Variants in CCDC181 observed in about 807,000 individuals in gnomAD.
CCDC181 encodes the protein coiled-coil domain containing 181.
In CCDC181, 35 loss-of-function variants were observed where a neutral mutation model predicts 58.7. The ratio of observed to expected loss-of-function variants is 0.60; its 90% confidence interval spans 0.46 to 0.79. The LOEUF (loss-of-function observed/expected upper bound fraction) is 0.79. Among genes scored for constraint, CCDC181 ranks in the 30% least tolerant of loss-of-function variants. The probability of loss-of-function intolerance (pLI) is 0.00; values close to 1 mark genes in which losing one functional copy is unlikely to be tolerated. For synonymous variants in CCDC181, 183 were observed against 197.5 expected, an observed-to-expected ratio of 0.93 and a Z score of 0.62; for missense variants, 517 against 583.9, an observed-to-expected ratio of 0.89 and a Z score of 1.18.
chr1:169,422,362 G>T (rs780302739), intron 2 of CCDC181, 49 bp from the exon 3 acceptor site: 1 of 1,328,940 alleles, frequency 7.5e-7, no homozygotes, highest in Admixed American at 2.4e-5. Flanking sequence ...TCATTTATAA[G>T]TAGACATACA....
In CCDC181 at chr1:169,427,337, C is replaced by G. The variant is rs1656757316; in HGVS notation, c.-73G>C. On this transcript the variant is annotated 5_prime_UTR_variant, in exon 1 of 6. Coordinates refer to ENST00000367806, the MANE Select transcript of CCDC181 (RefSeq NM_001300969.2). ...TCACAGAGATGGCCGGGGGAGTTCT[C>G]CTCTCCTCCTCTTTCTAAGCTCTTC... is the stretch of plus-strand genomic sequence containing the variant. 6.6e-6 allele frequency: 1 copy of G among 152,316 alleles called. No individual in the cohort carries two copies. The highest frequency in any genetic ancestry group is 6.5e-5 in the Admixed American group (1 of 15,274). 9.4% of individuals were successfully genotyped at this position (152,316 alleles called of 1,614,324 possible).
intron 2 of CCDC181, among the ~76,000 whole-genome samples, chr1:169,438,727 G>A (rs1461670357): frequency 6.6e-6 from 1 of 152,146 alleles, no homozygotes; most frequent in African/African-American, 2.4e-5. Flanking sequence ...TCAAGGTGAA[G>A]AGCGAATAGC....
chr1:169,455,728 C>T (rs1657661886), intron 2 of CCDC181, among the ~76,000 whole-genome samples: 2 of 152,226 alleles, frequency 1.3e-5, no homozygotes, highest in Admixed American at 1.3e-4. Flanking sequence ...CAAATCCTCC[C>T]TTATGTTGAC....
intron 4 of CCDC181, among the ~76,000 whole-genome samples, chr1:169,405,834 C>G (rs1490424247): frequency 6.6e-6 from 1 of 152,216 alleles, no homozygotes; most frequent in South Asian, 2.1e-4. Flanking sequence ...AGCTTCTGCA[C>G]AGCAAAAGAA....
intron 4 of CCDC181, among the ~76,000 whole-genome samples, chr1:169,405,193 A>C (rs1017093805): frequency 1.3e-4 from 20 of 152,202 alleles, no homozygotes; most frequent in Admixed American, 1.0e-3. Context: ...CCATGTTCAT[A>C]GATAGTAAGA....
At chr1:169,433,968 C>T (rs1428143408) in intron 2 of CCDC181, among the ~76,000 whole-genome samples, 1 of 151,964 alleles carries the variant, frequency 6.6e-6, no homozygotes, top group African/African-American at 2.4e-5. Flanking sequence ...GCTCACTAGA[C>T]ATTATCAGCA....
chr1:169,424,388 C>G lies in CCDC181; in HGVS notation c.117+423G>C, dbSNP rs1441873558. Among the ~76,000 whole-genome samples, 4 of 151,924 alleles carry G rather than the reference C, an allele frequency of 2.6e-5. No homozygotes were observed. The East Asian group carries it at 7.7e-4, about 29-fold the overall frequency. On this transcript the variant is annotated intron_variant, in intron 2 of 5. Transcript: ENST00000367806. Reference sequence around the variant, plus strand: ...TCAGTCTTAAAGTTTTAAATATTAGCTAAAAGGTCATGTGTTTAGAGGATT... The same window carrying G: ...TCAGTCTTAAAGTTTTAAATATTAGGTAAAAGGTCATGTGTTTAGAGGATT...
chr1:169,412,766 A>C (rs939749261), intron 4 of CCDC181, among the ~76,000 whole-genome samples: 2 of 152,212 alleles, frequency 1.3e-5, no homozygotes, highest in African/African-American at 4.8e-5. Context: ...AAAAACAAGA[A>C]ATGGGGAAAG....
chr1:169,418,678 G>T, intron 4 of CCDC181: 2 of 307,454 alleles, frequency 6.5e-6, no homozygotes, highest in Non-Finnish European at 1.2e-5. Flanking sequence ...TATACGTCTA[G>T]TCTTAAGTGA....
intron 4 of CCDC181, among the ~76,000 whole-genome samples, chr1:169,416,201 C>T (rs1405917947): frequency 6.6e-6 from 1 of 152,154 alleles, no homozygotes; most frequent in Non-Finnish European, 1.5e-5. Context: ...GTAGCGTGCT[C>T]ATTCACTGCC....
Position 169,435,548 on chromosome 1 carries a change from T to C in CCDC181, c.-23-10598A>G, listed in dbSNP as rs2101742830. ...TTAACTAGCCTGTAGAAGATTTTAA[T>C]TTCTGGCCAATTTCCCCATCAATAA... On this transcript the variant is annotated intron_variant, in intron 2 of 6. Transcript: ENST00000545005. Among the ~76,000 whole-genome samples the C allele has an allele frequency of 2.6e-5, 4 of 152,286 alleles. 1 individual carries two copies. In the South Asian group the frequency reaches 8.3e-4, roughly 32 times the overall value.
intron 5 of CCDC181, 25 bp from the exon 6 acceptor site, chr1:169,395,231 T>A: frequency 6.3e-7 from 1 of 1,597,452 alleles, no homozygotes; most frequent in Non-Finnish European, 8.5e-7. Flanking sequence ...ATGATCAGAT[T>A]TGGTGAGTAT....
At chr1:169,433,183 A>G (rs930278384) in intron 2 of CCDC181, among the ~76,000 whole-genome samples, 2 of 152,038 alleles carry the variant, frequency 1.3e-5, no homozygotes, top group African/African-American at 2.4e-5. Flanking sequence ...ATTTCTATAC[A>G]CTAATGATGA....
In CCDC181 at chr1:169,457,125, T is replaced by G. The variant is rs533123217; in HGVS notation, c.-24+2672A>C. 2.0e-4 allele frequency among the ~76,000 whole-genome samples: 31 copies of G among 152,276 alleles called. No homozygotes were observed. The East Asian group carries it at 4.6e-3, about 23-fold the overall frequency. On this transcript the variant is annotated intron_variant, in intron 2 of 6. Coordinates refer to the CCDC181 transcript ENST00000545005. ...GAGAAATGGCTGTTAGCTAACTGAT[T>G]CTTTTTTTATATATGATGTCTTTTC...
chr1:169,397,285 C>CGA lies in CCDC181; in HGVS notation c.1321_1322insTC (p.Cys441PhefsTer20). 1 of 1,609,968 alleles carries CGA rather than the reference C, an allele frequency of 6.2e-7. No individual in the cohort carries two copies. The highest frequency in any genetic ancestry group is 8.5e-7 in the Non-Finnish European group (1 of 1,178,248). On this transcript the variant is annotated frameshift_variant, in exon 5 of 6. Coordinates refer to ENST00000367806, the MANE Select transcript of CCDC181 (RefSeq NM_001300969.2). LOFTEE classifies it high-confidence loss of function. ...TTCTGTTCCTTTAAGGAAGAATAAA[C>CGA]ATTCCTCTTGCTTTCTTAGTTCTTC... is the stretch of plus-strand genomic sequence containing the variant.
At chr1:169,452,944 C>G (rs1231077526) in intron 2 of CCDC181, among the ~76,000 whole-genome samples, 1 of 151,796 alleles carries the variant, frequency 6.6e-6, no homozygotes, top group African/African-American at 2.4e-5. Flanking sequence ...TGAAAAGTAC[C>G]AAGAATTATA....
chr1:169,437,942 A>G (rs1657102526), intron 2 of CCDC181, among the ~76,000 whole-genome samples: 1 of 152,224 alleles, frequency 6.6e-6, no homozygotes, highest in East Asian at 1.9e-4. Context: ...AGACCAAAAG[A>G]AAGTATTTCC....
At chr1:169,395,414 T>A (rs1654962953) in intron 5 of CCDC181, among the ~76,000 whole-genome samples, 1 of 152,224 alleles carries the variant, frequency 6.6e-6, no homozygotes, top group Admixed American at 6.5e-5. Context: ...GGTCAAATGT[T>A]TGAAATTGTC....
chr1:169,412,744 G>A (rs543999746), intron 4 of CCDC181, among the ~76,000 whole-genome samples: 6 of 152,048 alleles, frequency 3.9e-5, no homozygotes, highest in Admixed American at 6.5e-5. Flanking sequence ...CCTGATCTTC[G>A]ACAAACCTGA....
Sources: allele counts gnomAD v4.1 joint callset (sites outside exome capture counted in the v4.1 genomes callset), GRCh38; gene constraint gnomAD v4.1.1; transcripts MANE v1.5; gene names NCBI Gene and HGNC (gene_info 2026-07-23, HGNC 2026-07-21).